The following SLC12A2 variants were observed in gnomAD, a reference collection of about 807,000 sequenced individuals.
SLC12A2 encodes the protein Na-K-2Cl cotransporter 1.
A neutral mutation model predicts 136.3 loss-of-function variants in SLC12A2; 67 were observed. The ratio of observed to expected loss-of-function variants is 0.49; its 90% CI spans 0.40 to 0.60. SLC12A2 has a LOEUF of 0.60. Ranked by LOEUF, SLC12A2 falls within the 20% of genes least tolerant of loss-of-function variation. The probability of loss-of-function intolerance (pLI) is 0.00; values close to 1 mark genes in which losing one functional copy is unlikely to be tolerated. For missense variants in SLC12A2, 1,322 were observed against 1,534.7 expected (o/e 0.86, Z 2.32); for synonymous variants, 619 against 562.9 (o/e 1.10, Z -1.41).
chr5:128,167,632 T>G (rs1763243873), intron 17 of SLC12A2, 129 bp from the exon 18 acceptor site: 1 of 552,188 alleles, frequency 1.8e-6, no homozygotes, highest in East Asian at 3.3e-5. Context: ...AATATGAATA[T>G]GGAATGCTGA....
chr5:128,180,825 T>C (rs1581142237), intron 22 of SLC12A2, 58 bp from the exon 23 acceptor site: 2 of 958,888 alleles, frequency 2.1e-6, no homozygotes, highest in East Asian at 4.8e-5. Flanking sequence ...ACTAAATTGA[T>C]GTTCCTGATT....
chr5:128,138,559 C>T (rs779866769), intron 7 of SLC12A2, 38 bp from the exon 8 acceptor site: 18 of 1,575,514 alleles, frequency 1.1e-5, no homozygotes, highest in African/African-American at 4.1e-5. Flanking sequence ...GTCTAATTTG[C>T]TCTCCATTAA....
chr5:128,161,541 T>C, intron 16 of SLC12A2, 119 bp from the exon 17 acceptor site: 1 of 496,540 alleles, frequency 2.0e-6, no homozygotes. Flanking sequence ...GCTATTATTA[T>C]ACTTCTGACC....
chr5:128,186,533 G>C lies in SLC12A2; in HGVS notation c.3541G>C (p.Ala1181Pro). The C allele has an allele frequency of 1.2e-6, 2 of 1,611,128 alleles. No homozygotes were observed. Among genetic ancestry groups the C allele is most frequent in the Non-Finnish European group, 1.7e-6 (2 of 1,179,548 alleles). ...TGCACGAAAAGGTGCTGTGTCTAGT[G>C]CTCTCTACATGGCATGGTTAGAAGC... Reference protein sequence around the residue: ...PVARKGAVSSALYMAWLEALS... With the variant: ...PVARKGAVSSPLYMAWLEALS... The change falls in exon 27 of 27, where the codon GCT (alanine) becomes CCT (proline). Residue 1181 changes from alanine to proline, a missense_variant. Coordinates refer to ENST00000262461, the MANE Select transcript of SLC12A2 (RefSeq NM_001046.3).
intron 1 of SLC12A2, among the ~76,000 whole-genome samples, chr5:128,096,333 A>G (rs1760536053): frequency 6.6e-6 from 1 of 152,136 alleles, no homozygotes; most frequent in Non-Finnish European, 1.5e-5. Context: ...ACATACAAGT[A>G]CTAAGTGATA....
rs748047191 is a variant in SLC12A2, at chr5:128,084,294, A to G, written c.340A>G (p.Lys114Glu). 1.2e-5 allele frequency: 18 copies of G among 1,496,020 alleles called. No individual in the cohort carries two copies. In the East Asian group the frequency reaches 2.7e-4, roughly 23 times the overall value. 92.7% of individuals were successfully genotyped at this position (1,496,020 alleles called of 1,614,324 possible). ...AAAAGAGAGA[K>E]QTPADGEASG... ...GGCGGCTGGTGCTGGGGCGGGGGCC[A>G]AGCAGACCCCCGCGGACGGGGAAGC... Residue 114 changes from lysine to glutamate, a missense_variant, in exon 1 of 27, where the codon AAG becomes GAG. By Grantham distance (56) the Lys-to-Glu change is moderately conservative (BLOSUM62 1). Around this residue, in one of 8 missense-constraint regions of SLC12A2, gnomAD observed 358 missense variants for 299.7 expected, o/e 1.19. Coordinates refer to ENST00000262461, the MANE Select transcript of SLC12A2 (RefSeq NM_001046.3). The surrounding 1 kb of genome is among the most constrained non-coding windows in gnomAD (Gnocchi z 5.6).
intron 1 of SLC12A2, among the ~76,000 whole-genome samples, chr5:128,109,335 C>T (rs1057396856): frequency 1.3e-5 from 2 of 152,196 alleles, no homozygotes; most frequent in African/African-American, 4.8e-5. Flanking sequence ...AACCCACGTG[C>T]CTGCCCTGCA....
chr5:128,180,436 G>A (rs1763673791), intron 22 of SLC12A2, among the ~76,000 whole-genome samples: 1 of 152,182 alleles, frequency 6.6e-6, no homozygotes, highest in African/African-American at 2.4e-5. Context: ...ATATGCTTGT[G>A]TCTACTGGAG....
intron 1 of SLC12A2, among the ~76,000 whole-genome samples, chr5:128,103,131 G>A (rs1412142801): frequency 1.3e-5 from 2 of 152,132 alleles, no homozygotes; most frequent in African/African-American, 4.8e-5. Flanking sequence ...TGGGTTAAAG[G>A]TGTGCATTTT....
intron 4 of SLC12A2, among the ~76,000 whole-genome samples, chr5:128,115,922 T>G (rs1490916725): frequency 6.6e-6 from 1 of 152,214 alleles, no homozygotes; most frequent in Non-Finnish European, 1.5e-5. Flanking sequence ...TCAATATGAT[T>G]ATGACTATGC....
chr5:128,185,828 T>C (rs1763849028), intron 26 of SLC12A2, among the ~76,000 whole-genome samples: 1 of 152,212 alleles, frequency 6.6e-6, no homozygotes, highest in African/African-American at 2.4e-5. Context: ...ATACTTACTG[T>C]TCTTATGAAC....
Position 128,112,817 on chromosome 5 carries a change from C to T in SLC12A2, c.760C>T (p.Pro254Ser), listed in dbSNP as rs1761202267. 6.2e-7 allele frequency: 1 copy of T among 1,603,740 alleles called. No individual in the cohort carries two copies. ...TCATATTTCTTTTTATAACCAGGAACCTTTTGAGGATGGCTTTGCAAATGG... is the reference window on the plus strand; with the variant it reads ...TCATATTTCTTTTTATAACCAGGAATCTTTTGAGGATGGCTTTGCAAATGG... ...AELHDELEKE[P>S]FEDGFANGEE... Residue 254 changes from proline (P) to serine (S), a missense_variant, in exon 2 of 27, where the codon CCT becomes TCT. Transcript: ENST00000262461.
chr5:128,114,867 C>T (rs990787957), intron 4 of SLC12A2, among the ~76,000 whole-genome samples, 186 bp downstream of exon 4: 3 of 152,228 alleles, frequency 2.0e-5, no homozygotes, highest in Admixed American at 2.0e-4. Flanking sequence ...AACTCATACA[C>T]ATAAGCTTTT....
chr5:128,120,621 A>C (rs1281067637), intron 4 of SLC12A2, among the ~76,000 whole-genome samples: 3 of 151,422 alleles, frequency 2.0e-5, no homozygotes, highest in Non-Finnish European at 4.4e-5. Flanking sequence ...AAAAAACCAA[A>C]CACTGCATGT....
chr5:128,108,328 C>G (rs148868665), intron 1 of SLC12A2, among the ~76,000 whole-genome samples: 34 of 152,170 alleles, frequency 2.2e-4, no homozygotes, highest in African/African-American at 7.7e-4. Flanking sequence ...TAAATGAAAA[C>G]ATATTTTCAC....
At chr5:128,116,023 A>G (rs566517871) in intron 4 of SLC12A2, among the ~76,000 whole-genome samples, 16 of 152,310 alleles carry the variant, frequency 1.1e-4, no homozygotes, top group African/African-American at 3.4e-4. Context: ...TGTTCAGCAG[A>G]GTTAGTCAGA....
intron 1 of SLC12A2, chr5:128,109,987 C>G (rs1027515861): frequency 1.9e-6 from 2 of 1,045,142 alleles, no homozygotes; most frequent in South Asian, 2.5e-5. Context: ...GCACATTTCC[C>G]TACTGTGGAT....
intron 5 of SLC12A2, among the ~76,000 whole-genome samples, chr5:128,133,906 CTT>C (rs563248652): frequency 6.4e-4 from 98 of 152,044 alleles, no homozygotes; most frequent in African/African-American, 2.2e-3. Context: ...TTAGCAATTC[CTT>C]TTTTGATTTA....
chr5:128,147,082 C>CTTT (rs34232629), intron 10 of SLC12A2, among the ~76,000 whole-genome samples: 1 of 132,064 alleles, frequency 7.6e-6, no homozygotes, highest in African/African-American at 2.7e-5. Flanking sequence ...AATGTGTAAC[C>CTTT]TTTTTTTTTT....
Sources: allele counts gnomAD v4.1 joint callset (sites outside exome capture counted in the v4.1 genomes callset), GRCh38; gene constraint gnomAD v4.1.1; regional missense constraint gnomAD v4.1.1; non-coding constraint Gnocchi (gnomAD v3.1); transcripts MANE v1.5; gene names NCBI Gene and HGNC (gene_info 2026-07-23, HGNC 2026-07-21).